Variants in CYP4F22 observed in about 807,000 individuals in gnomAD.
The protein encoded by CYP4F22 is cytochrome P450 family 4 subfamily F member 22, also known as ultra-long-chain fatty acid omega-hydroxylase.
A neutral mutation model predicts 60.4 loss-of-function variants in CYP4F22; 37 were observed. That is an observed-to-expected ratio of 0.61 (90% CI 0.47 to 0.81). The LOEUF is 0.81. CYP4F22 is among the 30% of genes least tolerant of loss of function. The pLI is 0.00. For synonymous variants in CYP4F22, 258 were observed against 280.5 expected, an observed-to-expected ratio of 0.92 and a Z score of 0.80; for missense variants, 655 against 715.0, an observed-to-expected ratio of 0.92 and a Z score of 0.96.
intron 1 of CYP4F22, among the ~76,000 whole-genome samples, chr19:15,511,831 G>A (rs1403632195): frequency 1.3e-5 from 2 of 152,236 alleles, no homozygotes; most frequent in Non-Finnish European, 2.9e-5. Flanking sequence ...TGTATAACAA[G>A]TCCTCAGTGG....
rs1350463292 is a variant in CYP4F22, at chr19:15,551,364, C to T, written c.1489C>T (p.Arg497Cys). The change falls in exon 14 of 14, where the codon CGC (arginine) becomes TGC (cysteine). Residue 497 changes from arginine to cysteine, a missense_variant. Physicochemically the swap from Arg to Cys is radical, Grantham distance 180. This residue lies in a region of CYP4F22 where 151 missense variants were observed against 139.4 expected (regional missense o/e 1.08). Transcript: ENST00000269703. ...TGTGGCACTAACACTGCTACGTTTC[C>T]GCCTGAGCGTGGACCGAACGCGCAA... ...VVVALTLLRF[R>C]LSVDRTRKVR... 1.2e-6 allele frequency: 2 copies of T among 1,613,070 alleles called. No individual in the cohort carries two copies. The highest frequency in any genetic ancestry group is 1.7e-6 in the Non-Finnish European group (2 of 1,179,534).
chr19:15,537,166 T>C (rs1971403800), intron 4 of CYP4F22, among the ~76,000 whole-genome samples, 195 bp from the exon 5 acceptor site: 1 of 152,204 alleles, frequency 6.6e-6, no homozygotes, highest in African/African-American at 2.4e-5. Context: ...CCGGGCATGG[T>C]GGCGGACACC....
intron 4 of CYP4F22, among the ~76,000 whole-genome samples, chr19:15,533,567 G>A (rs1229953493): frequency 1.4e-5 from 2 of 144,724 alleles, no homozygotes; most frequent in Admixed American, 6.9e-5. Flanking sequence ...GTTCATTCAC[G>A]TTGTAGTAGG....
intron 10 of CYP4F22, among the ~76,000 whole-genome samples, chr19:15,545,648 C>CAAAAAAAAAAAAAAAA (rs1217096575): frequency 1.3e-4 from 5 of 38,950 alleles, no homozygotes; most frequent in African/African-American, 4.3e-4. Context: ...GACCCTGTCT[C>CAAAAAAAAAAAAAAAA]AAAAAAAAAA....
intron 4 of CYP4F22, among the ~76,000 whole-genome samples, chr19:15,536,164 C>T (rs1045860276): frequency 6.6e-6 from 1 of 151,678 alleles, no homozygotes; most frequent in African/African-American, 2.4e-5. Flanking sequence ...TATGGCGATA[C>T]CCTGTCCATA....
At chr19:15,526,993 A>T (rs1971290171) in intron 3 of CYP4F22, among the ~76,000 whole-genome samples, 1 of 151,650 alleles carries the variant, frequency 6.6e-6, no homozygotes, top group Non-Finnish European at 1.5e-5. Context: ...CCTCAAGTGA[A>T]CCACCGTGCT....
chr19:15,527,266 G>A lies in CYP4F22; in HGVS notation c.222+1708G>A, dbSNP rs148052144. Among the ~76,000 whole-genome samples, 751 of 152,078 alleles carry A rather than the reference G, an allele frequency of 4.9e-3. 7 individuals carry two copies. The highest frequency in any genetic ancestry group is 0.017 in the African/African-American group (724 of 41,486). ...CTGCCCCTGCTTACACACCCTCCAT[G>A]GCTCCCTATTGCCATTCAGAAAAAG... On this transcript the variant is annotated intron_variant, in intron 3 of 13. Transcript: ENST00000269703.
Position 15,551,312 on chromosome 19 carries a change from C to T in CYP4F22, c.1437C>T (p.Ser479=). ...CCTCCAGGAATTGCATCGGACAGAG[C>T]TTCGCCATGGCCGAGTTGCGCGTGG... ...SAGPRNCIGQ[S]FAMAELRVVV... is the part of the protein sequence containing the mutation. The change falls in exon 14 of 14, where the codon AGC becomes AGT. Residue 479 remains serine (S), a synonymous_variant. Transcript: ENST00000269703. The T allele has an allele frequency of 6.2e-7, 1 of 1,613,206 alleles. No homozygotes were observed. Among genetic ancestry groups the T allele is most frequent in the East Asian group, 2.2e-5 (1 of 44,862 alleles).
chr19:15,545,648 C>CAAAAAAAAAAAA (rs1217096575), intron 10 of CYP4F22, among the ~76,000 whole-genome samples: 49 of 38,908 alleles, frequency 1.3e-3, no homozygotes, highest in Non-Finnish European at 1.5e-3. Context: ...GACCCTGTCT[C>CAAAAAAAAAAAA]AAAAAAAAAA....
chr19:15,551,764 C>A lies in CYP4F22; in HGVS notation c.*293C>A, dbSNP rs985677424. On this transcript the variant is annotated 3_prime_UTR_variant, in exon 14 of 14. Coordinates refer to ENST00000269703, the MANE Select transcript of CYP4F22 (RefSeq NM_173483.4). ...TCGACCCTGCCCCCTTGGGCTCAGGCCCCGCCCCCAGGATCCTACGGATTG... is the reference window on the plus strand; with the variant it reads ...TCGACCCTGCCCCCTTGGGCTCAGGACCCGCCCCCAGGATCCTACGGATTG... 2.1e-5 allele frequency: 11 copies of A among 515,922 alleles called. 1 individual carries two copies. The highest frequency in any genetic ancestry group is 3.5e-5 in the Non-Finnish European group (10 of 285,874). 32.0% of individuals were successfully genotyped at this position (515,922 alleles called of 1,614,324 possible).
At position 15,544,021 on chromosome 19, in the gene CYP4F22, C is replaced by A. The variant is rs149500476; in HGVS notation, c.990C>A (p.Asp330Glu). 1.2e-6 allele frequency: 2 copies of A among 1,613,988 alleles called. No individual in the cohort carries two copies. The highest frequency in any genetic ancestry group is 1.7e-6 in the Non-Finnish European group (2 of 1,180,030). ...ACGAGGATATCCGAGCCGAAGCAGA[C>A]ACCTTCATGTTTGAGGGTGAGGATG... ...LSDEDIRAEA[D>E]TFMFEGHDTT... The change falls in exon 9 of 14, where the codon GAC becomes GAA. Residue 330 changes from aspartate (D) to glutamate (E), a missense_variant. Coordinates refer to ENST00000269703, the MANE Select transcript of CYP4F22 (RefSeq NM_173483.4).
chr19:15,551,698 C>T lies in CYP4F22; in HGVS notation c.*227C>T, dbSNP rs1159270564. 2.1e-5 allele frequency: 13 copies of T among 611,266 alleles called. No individual in the cohort carries two copies. The highest frequency in any genetic ancestry group is 3.7e-5 in the Non-Finnish European group (13 of 349,304). 37.9% of individuals were successfully genotyped at this position (611,266 alleles called of 1,614,324 possible). A position where few individuals can be genotyped will look rare whatever the true frequency, so the allele number is the denominator to read the frequency against. ...CCCGCCCCTTGAGGCTTAGGTCCCG[C>T]CCCCTGACTTCTCGCACCTGTCCTG... On this transcript the variant is annotated 3_prime_UTR_variant, in exon 14 of 14. Coordinates refer to ENST00000269703, the MANE Select transcript of CYP4F22 (RefSeq NM_173483.4).
chr19:15,514,362 T>C (rs1170403382), intron 1 of CYP4F22, among the ~76,000 whole-genome samples: 1 of 152,196 alleles, frequency 6.6e-6, no homozygotes, highest in African/African-American at 2.4e-5. Context: ...GCGATATAAT[T>C]AGATACAGTT....
chr19:15,533,482 C>T (rs912738638), intron 4 of CYP4F22, among the ~76,000 whole-genome samples: 1 of 151,564 alleles, frequency 6.6e-6, no homozygotes, highest in Non-Finnish European at 1.5e-5. Context: ...ATTCTGGGTA[C>T]ATCATAGAAA....
At chr19:15,509,904 C>CTTTCTTTCCTTCCTTCTTTCTTTCTTT (rs1555725971) in intron 1 of CYP4F22, among the ~76,000 whole-genome samples, 3 of 86,784 alleles carry the variant, frequency 3.5e-5, no homozygotes, top group African/African-American at 1.2e-4. Context: ...TTCCTTCCTT[C>CTTTCTTTCCTTCCTTCTTTCTTTCTTT]CTTTCTTTCT....
At chr19:15,516,986 AT>A in intron 1 of CYP4F22, 1 of 183,074 alleles carries the variant, frequency 5.5e-6, no homozygotes, top group East Asian at 1.4e-4. Flanking sequence ...CGCATGGCTG[AT>A]TTTTTGTATT....
intron 1 of CYP4F22, among the ~76,000 whole-genome samples, chr19:15,513,746 A>G (rs1395824480): frequency 6.7e-6 from 1 of 148,922 alleles, no homozygotes; most frequent in African/African-American, 2.5e-5. Flanking sequence ...GGCAATCCGC[A>G]CCCCCCTCGG....
At position 15,525,493 on chromosome 19, in the gene CYP4F22, T is replaced by G; in HGVS notation, c.157T>G (p.Cys53Gly). 6.2e-7 allele frequency: 1 copy of G among 1,613,544 alleles called. No individual in the cohort carries two copies. The change falls in exon 3 of 14, where the codon TGC becomes GGC. Residue 53 changes from cysteine (C) to glycine (G), a missense_variant. Around this residue, in one of 3 missense-constraint regions of CYP4F22, gnomAD observed 430 missense variants for 457.1 expected, o/e 0.94. Transcript: ENST00000269703. ...LRLCRSFYITCRRLRCFPQPP... is the reference protein window; with the variant it reads ...LRLCRSFYITGRRLRCFPQPP... ...GCTCTGCAGGAGCTTCTACATCACC[T>G]GCCGCCGGCTGCGCTGCTTCCCCCA...
intron 8 of CYP4F22, 59 bp from the exon 9 acceptor site, chr19:15,543,912 C>A (rs1023315820): frequency 1.6e-5 from 25 of 1,585,804 alleles, no homozygotes; most frequent in Non-Finnish European, 2.1e-5. Context: ...TTTTGAGGAG[C>A]CCCTAGGATG....
Sources: gnomAD v4.1 joint callset for allele counts (sites outside exome capture counted in the v4.1 genomes callset) on GRCh38, gnomAD v4.1.1 for gene constraint, gnomAD v4.1.1 regional missense constraint, MANE v1.5 for transcripts, NCBI Gene and HGNC (gene_info 2026-07-23, HGNC 2026-07-21) for gene names.